The following CBR4 variants were observed in gnomAD, a reference collection of about 807,000 sequenced individuals.
CBR4 encodes the protein carbonyl reductase 4.
In CBR4, 22 loss-of-function variants were observed where a neutral mutation model predicts 21.0. The ratio of observed to expected loss-of-function variants is 1.05; its 90% confidence interval spans 0.75 to 1.50. The LOEUF is 1.50. Ranked by LOEUF, CBR4 falls within the 40% of genes most tolerant of loss-of-function variation. The probability of loss-of-function intolerance (pLI) is 0.00; values close to 1 mark genes in which losing one functional copy is unlikely to be tolerated. For missense variants in CBR4, 302 were observed against 286.3 expected (o/e 1.05, Z -0.40); for synonymous variants, 100 against 104.4 (o/e 0.96, Z 0.26).
At chr4:168,931,543 C>T (rs1056157520) in intron 2 of CBR4, among the ~76,000 whole-genome samples, 1 of 152,050 alleles carries the variant, frequency 6.6e-6, no homozygotes, top group African/African-American at 2.4e-5. Flanking sequence ...ATGGACACAC[C>T]CCCTGGCTGG....
rs143982987 is a variant in CBR4, at chr4:169,008,902, G to C, written c.142+1046C>G. Reference sequence around the variant, plus strand: ...ATAGTCTCCCAACCAGCACTGAACAGGTGATACCAAACCGATCAATAATGT... The same window carrying C: ...ATAGTCTCCCAACCAGCACTGAACACGTGATACCAAACCGATCAATAATGT... On this transcript the variant is annotated intron_variant, in intron 1 of 4. Coordinates refer to ENST00000306193, the MANE Select transcript of CBR4 (RefSeq NM_032783.5). 1.9e-3 allele frequency: 832 copies of C among 445,206 alleles called. 8 individuals are homozygous for C. The highest frequency in any genetic ancestry group is 0.015 in the African/African-American group (742 of 49,144). 27.6% of individuals were successfully genotyped at this position (445,206 alleles called of 1,614,324 possible).
chr4:168,957,295 TA>T (rs1270096106), intron 2 of CBR4, among the ~76,000 whole-genome samples: 1 of 151,532 alleles, frequency 6.6e-6, no homozygotes, highest in African/African-American at 2.4e-5. Flanking sequence ...ATTAAAAGAG[TA>T]AAAAATCGCT....
In CBR4 at chr4:168,987,640, G is replaced by A. The variant is rs1306619557; in HGVS notation, c.*2510C>T. ...AAGAACAGTTTGTTTACCAAGTTAG[G>A]ACAGTGGTTATGATTTCTCAATTTA... On this transcript the variant is annotated 3_prime_UTR_variant, in exon 5 of 5. Coordinates refer to ENST00000306193, the MANE Select transcript of CBR4 (RefSeq NM_032783.5). The A allele has an allele frequency of 2.1e-6, 2 of 958,190 alleles. No homozygotes were observed. The highest frequency in any genetic ancestry group is 3.5e-5 in the African/African-American group (2 of 56,654). 59.4% of individuals were successfully genotyped at this position (958,190 alleles called of 1,614,324 possible). A position where few individuals can be genotyped will look rare whatever the true frequency, so the allele number is the denominator to read the frequency against.
At chr4:168,937,492 C>T (rs1399415331) in intron 2 of CBR4, among the ~76,000 whole-genome samples, 2 of 151,916 alleles carry the variant, frequency 1.3e-5, no homozygotes, top group Non-Finnish European at 2.9e-5. Context: ...GGACTAAATG[C>T]CCCAATTAAA....
Position 168,910,220 on chromosome 4 carries a change from C to CT in CBR4, n.170-15456dup, listed in dbSNP as rs70961563. Among the ~76,000 whole-genome samples, 516 of 113,966 alleles carry CT rather than the reference C, an allele frequency of 4.5e-3. 3 individuals are homozygous for CT. The highest frequency in any genetic ancestry group is 0.011 in the African/African-American group (338 of 31,224). 74.8% of individuals were successfully genotyped at this position (113,966 alleles called of 152,430 possible). ...CCAGAGTAGTATGCCAACCTGTTTA[C>CT]TTTTTTTTTTTTTTTTTTTTTGAGA... On this transcript the variant is annotated intron_variant and non_coding_transcript_variant, in intron 2 of 3. Transcript: ENST00000509108.
chr4:168,934,792 C>CA (rs1453850626), intron 2 of CBR4, among the ~76,000 whole-genome samples: 5 of 152,070 alleles, frequency 3.3e-5, no homozygotes, highest in Non-Finnish European at 7.4e-5. Context: ...CAAACTATTC[C>CA]AAAAATTGAA....
At chr4:169,006,682 A>C (rs1730934407) in intron 3 of CBR4, 73 bp downstream of exon 3, 1 of 1,321,286 alleles carries the variant, frequency 7.6e-7, no homozygotes, top group Admixed American at 2.1e-5. Flanking sequence ...AATAAATCAC[A>C]AATTCGTGGA....
chr4:168,967,298 T>G (rs990225662), intron 2 of CBR4, among the ~76,000 whole-genome samples: 1 of 151,588 alleles, frequency 6.6e-6, no homozygotes, highest in Non-Finnish European at 1.5e-5. Context: ...TAGGTGGGAG[T>G]TGAACAATGA....
chr4:168,955,764 G>A (rs1442771419), intron 2 of CBR4, among the ~76,000 whole-genome samples: 4 of 152,126 alleles, frequency 2.6e-5, no homozygotes, highest in Non-Finnish European at 4.4e-5. Context: ...TCAAGAGACC[G>A]GTCAGGACAG....
intron 2 of CBR4, among the ~76,000 whole-genome samples, chr4:168,906,825 C>G (rs751661172): frequency 3.3e-5 from 5 of 151,738 alleles, no homozygotes; most frequent in Non-Finnish European, 7.4e-5. Flanking sequence ...GTAATCTTAC[C>G]CAAAGCCCAA....
chr4:168,894,716 TCTGTCCCCCTTTTCC>T, exon 3 of CBR4: 1 of 1,600,194 alleles, frequency 6.2e-7, no homozygotes, highest in Non-Finnish European at 8.5e-7. Context: ...TAACATTTAT[TCTGTCCCCCTTTTCC>T]ATCTTCCTTA....
chr4:168,969,698 C>A (rs1578956817), intron 2 of CBR4, among the ~76,000 whole-genome samples: 1 of 152,096 alleles, frequency 6.6e-6, no homozygotes, highest in Non-Finnish European at 1.5e-5. Flanking sequence ...GCAACAACAA[C>A]AAAAACGGAC....
intron 2 of CBR4, among the ~76,000 whole-genome samples, chr4:168,977,388 C>T (rs1402470437): frequency 6.6e-6 from 1 of 152,162 alleles, no homozygotes; most frequent in African/African-American, 2.4e-5. Flanking sequence ...CCAACTAGTC[C>T]TTCTTAGACT....
chr4:168,895,307 G>A (rs540714383), intron 2 of CBR4, among the ~76,000 whole-genome samples: 23 of 152,274 alleles, frequency 1.5e-4, no homozygotes, highest in African/African-American at 3.8e-4. Flanking sequence ...GCTTGAACCC[G>A]GGAGGTGGAG....
At chr4:168,978,141 T>C (rs577649867) in intron 2 of CBR4, among the ~76,000 whole-genome samples, 1 of 152,328 alleles carries the variant, frequency 6.6e-6, no homozygotes, top group South Asian at 2.1e-4. Flanking sequence ...CATACCCATG[T>C]TCTCCTCCTC....
intron 4 of CBR4, among the ~76,000 whole-genome samples, chr4:168,993,851 C>T (rs1023089936): frequency 2.0e-4 from 31 of 152,136 alleles, no homozygotes; most frequent in African/African-American, 7.0e-4. Context: ...ACTCTGCTGG[C>T]CTGGCCTTTT....
In CBR4 at chr4:169,010,045, G is replaced by A. The variant is rs1197041471; in HGVS notation, c.45C>T (p.Gly15=). The A allele has an allele frequency of 6.2e-7, 1 of 1,613,790 alleles. No homozygotes were observed. The highest frequency in any genetic ancestry group is 8.5e-7 in the Non-Finnish European group (1 of 1,179,980). The change falls in exon 1 of 5, where the codon GGC becomes GGT. Residue 15 remains glycine, a synonymous_variant. Coordinates refer to ENST00000306193, the MANE Select transcript of CBR4 (RefSeq NM_032783.5). The part of the protein sequence containing the change: ...CAVFGGSRGI[G]RAVAQLMARK... ...GGGCCATTAACTGGGCCACAGCTCT[G>A]CCAATGCCTCGGGAGCCTCCAAAAA...
chr4:168,939,088 G>T (rs1006362624), intron 2 of CBR4, among the ~76,000 whole-genome samples: 1 of 152,162 alleles, frequency 6.6e-6, no homozygotes, highest in Admixed American at 6.5e-5. Context: ...ACATCAAAAA[G>T]CTTATCTACC....
At chr4:169,001,321 A>G (rs1006649560) in intron 4 of CBR4, 2 of 152,150 alleles carry the variant, frequency 1.3e-5, no homozygotes, top group Non-Finnish European at 2.9e-5. Context: ...CAAAGCTTTT[A>G]GTAACAGTTC....
Sources: allele counts gnomAD v4.1 joint callset (sites outside exome capture counted in the v4.1 genomes callset), GRCh38; gene constraint gnomAD v4.1.1; transcripts MANE v1.5; gene names NCBI Gene and HGNC (gene_info 2026-07-23, HGNC 2026-07-21).